Variants in CAB39L observed in about 807,000 individuals in gnomAD.
CAB39L encodes the protein calcium binding protein 39 like.
A neutral mutation model predicts 39.1 loss-of-function variants in CAB39L; 23 were observed. That is an observed-to-expected ratio of 0.59 (90% CI 0.42 to 0.83). CAB39L has a LOEUF of 0.83. CAB39L is among the 40% of genes least tolerant of loss of function. The pLI, the probability that CAB39L is intolerant of heterozygous loss-of-function variation, is 0.00. For synonymous variants in CAB39L, 126 were observed against 137.2 expected (o/e 0.92, Z 0.57); for missense variants, 366 against 391.9 (o/e 0.93, Z 0.56).
chr13:49,422,481 G>C (rs1957184808), intron 3 of CAB39L, among the ~76,000 whole-genome samples: 1 of 152,226 alleles, frequency 6.6e-6, no homozygotes, highest in Non-Finnish European at 1.5e-5. Context: ...GGCTGAGGCA[G>C]AAGAATGGCT....
intron 1 of CAB39L, among the ~76,000 whole-genome samples, chr13:49,443,412 C>T (rs1957581072): frequency 6.6e-6 from 1 of 151,932 alleles, no homozygotes; most frequent in South Asian, 2.1e-4. Context: ...CAGAACTTGA[C>T]GCCCACTATT....
chr13:49,310,824 G>A lies in CAB39L; in HGVS notation c.1004C>T (p.Thr335Met), dbSNP rs780505672. 55 of 1,613,762 alleles carry A rather than the reference G, an allele frequency of 3.4e-5. 1 individual carries two copies. The highest frequency in any genetic ancestry group is 4.4e-5 in the South Asian group (4 of 91,082). Residue 335 changes from threonine (T) to methionine (M), a missense_variant, in exon 11 of 11, where the codon ACG (threonine) becomes ATG (methionine). Physicochemically the swap from Thr to Met is moderately conservative, Grantham distance 81 (BLOSUM62 -1). Transcript: ENST00000409308. ...GGGCCGGGGAGCTCTTCAAGGGGCC[G>A]TTTTCTTCAAGTCTCGGATCTGTTT... Reference protein sequence around the residue: ...LIKQIRDLKKTAP With the variant: ...LIKQIRDLKKMAP
Position 49,310,874 on chromosome 13 carries a change from G to A in CAB39L, c.954C>T (p.Phe318=), listed in dbSNP as rs117534424. 3,028 of 1,614,116 alleles carry A rather than the reference G, an allele frequency of 1.9e-3. 5 individuals carry two copies. Among genetic ancestry groups the A allele is most frequent in the Non-Finnish European group, 2.4e-3 (2,873 of 1,180,016 alleles). ...TAATCAAGTAGTTCTTCTCGTCAGC[G>A]AACTGCTCATCATCCGTCCTTTCTT... ...FQKERTDDEQ[F]ADEKNYLIKQ... is the part of the protein sequence containing the mutation. The change falls in exon 11 of 11, where the codon TTC becomes TTT. Residue 318 remains phenylalanine, a synonymous_variant. Coordinates refer to ENST00000409308, the MANE Select transcript of CAB39L (RefSeq NM_001079670.3).
rs768629645 is a variant in CAB39L at position 49,339,717 on chromosome 13, A to G, written c.650T>C (p.Leu217Pro). ...CTTAGTAACATAATTCTCAGACTGAAGCAATTTCTCATAGTCTTCAAAAAT... is the reference window on the plus strand; with the variant it reads ...CTTAGTAACATAATTCTCAGACTGAGGCAATTTCTCATAGTCTTCAAAAAT... Reference protein sequence around the residue: ...DTIFEDYEKLLQSENYVTKRQ... With the variant: ...DTIFEDYEKLPQSENYVTKRQ... Residue 217 changes from leucine to proline, a missense_variant, in exon 9 of 11, where the codon CTT becomes CCT. Coordinates refer to ENST00000409308, the MANE Select transcript of CAB39L (RefSeq NM_001079670.3). 1 of 1,580,686 alleles carries G rather than the reference A, an allele frequency of 6.3e-7. No individual in the cohort carries two copies. The highest frequency in any genetic ancestry group is 8.6e-7 in the Non-Finnish European group (1 of 1,165,432).
chr13:49,353,230 C>A (rs1217375603), intron 6 of CAB39L, among the ~76,000 whole-genome samples: 1 of 152,086 alleles, frequency 6.6e-6, no homozygotes, highest in Non-Finnish European at 1.5e-5. Context: ...TGAAACTCAG[C>A]CTATTGGCTC....
intron 3 of CAB39L, among the ~76,000 whole-genome samples, chr13:49,422,939 T>C (rs1957191501): frequency 6.6e-6 from 1 of 152,210 alleles, no homozygotes; most frequent in Non-Finnish European, 1.5e-5. Flanking sequence ...GAGATGATAC[T>C]AGGTCATTTT....
At chr13:49,363,244 G>A (rs1044648984) in intron 5 of CAB39L, among the ~76,000 whole-genome samples, 17 of 152,242 alleles carry the variant, frequency 1.1e-4, no homozygotes, top group African/African-American at 4.1e-4. Flanking sequence ...CTTGTCTTAA[G>A]GAGAAAGACT....
intron 1 of CAB39L, among the ~76,000 whole-genome samples, chr13:49,443,698 CCCA>C (rs1405281706): frequency 2.0e-5 from 3 of 152,076 alleles, no homozygotes; most frequent in Admixed American, 2.0e-4. Flanking sequence ...CCGCCCAGCC[CCCA>C]CAATGATCAA....
chr13:49,396,406 C>A (rs1459279392), intron 3 of CAB39L, among the ~76,000 whole-genome samples: 2 of 151,828 alleles, frequency 1.3e-5, no homozygotes, highest in Admixed American at 6.6e-5. Flanking sequence ...AAACCTACCA[C>A]CACATAAAAA....
chr13:49,376,624 C>T (rs1311409534), intron 5 of CAB39L, among the ~76,000 whole-genome samples: 1 of 152,086 alleles, frequency 6.6e-6, no homozygotes, highest in Non-Finnish European at 1.5e-5. Flanking sequence ...TAACATGGGG[C>T]TAATAATACA....
intron 3 of CAB39L, among the ~76,000 whole-genome samples, chr13:49,383,514 G>A (rs1186699144): frequency 6.6e-6 from 1 of 152,010 alleles, no homozygotes; most frequent in African/African-American, 2.4e-5. Context: ...CAAATATTTT[G>A]CATTAAAGTA....
chr13:49,414,170 T>A (rs1267448033), intron 3 of CAB39L: 1 of 152,242 alleles, frequency 6.6e-6, no homozygotes, highest in Non-Finnish European at 1.5e-5. Flanking sequence ...TCCATTGGGA[T>A]AGAGTCAAAA....
At chr13:49,378,575 C>A (rs1173527349) in intron 4 of CAB39L, among the ~76,000 whole-genome samples, 1 of 70,448 alleles carries the variant, frequency 1.4e-5, no homozygotes, top group Non-Finnish European at 2.9e-5. Context: ...CCGCCCCGTC[C>A]GGGAGGGAGG....
At chr13:49,329,641 G>A (rs951971353) in intron 10 of CAB39L, among the ~76,000 whole-genome samples, 7 of 140,798 alleles carry the variant, frequency 5.0e-5, no homozygotes, top group Admixed American at 3.8e-4. Flanking sequence ...AACTAAAAAT[G>A]TCTTACTTTT....
At chr13:49,372,004 T>G (rs771407616) in intron 5 of CAB39L, among the ~76,000 whole-genome samples, 3 of 152,212 alleles carry the variant, frequency 2.0e-5, no homozygotes, top group Non-Finnish European at 4.4e-5. Context: ...CAGTTCACTT[T>G]GCATCCACCC....
intron 9 of CAB39L, among the ~76,000 whole-genome samples, chr13:49,333,229 G>A (rs1954758981): frequency 6.6e-6 from 1 of 152,108 alleles, no homozygotes; most frequent in African/African-American, 2.4e-5. Flanking sequence ...CATACACATG[G>A]AATAGCAACC....
rs755873372 is a variant in CAB39L, at chr13:49,309,142, G to A, written c.*1672C>T. 8 of 152,214 alleles carry A rather than the reference G, an allele frequency of 5.3e-5. No individual in the cohort carries two copies. The highest frequency in any genetic ancestry group is 3.3e-4 in the Admixed American group (5 of 15,268). 9.4% of individuals were successfully genotyped at this position (152,214 alleles called of 1,614,324 possible). ...AAGGGACTCTGAACTGTCAGGGAAC[G>A]TTATAAAAATAATCTGACGTCAGTG... On this transcript the variant is annotated 3_prime_UTR_variant, in exon 11 of 11. Transcript: ENST00000409308.
intron 1 of CAB39L, among the ~76,000 whole-genome samples, chr13:49,438,990 A>G (rs1323286443): frequency 1.3e-5 from 2 of 152,186 alleles, no homozygotes; most frequent in Non-Finnish European, 2.9e-5. Flanking sequence ...CATCACCACT[A>G]TCCTTGGGCT....
At chr13:49,337,054 T>C (rs1240522684) in intron 9 of CAB39L, among the ~76,000 whole-genome samples, 2 of 152,022 alleles carry the variant, frequency 1.3e-5, no homozygotes, top group Non-Finnish European at 2.9e-5. Context: ...TAACACCCAG[T>C]GAGGGTACAA....
Sources: allele counts gnomAD v4.1 joint callset (sites outside exome capture counted in the v4.1 genomes callset), GRCh38; gene constraint gnomAD v4.1.1; transcripts MANE v1.5; gene names NCBI Gene and HGNC (gene_info 2026-07-23, HGNC 2026-07-21).